Variants in RBFOX2 observed in about 807,000 individuals in gnomAD.
The protein encoded by RBFOX2 is RNA binding fox-1 homolog 2, also known as RNA binding protein fox-1 homolog 2.
Under a neutral mutation model 49.1 loss-of-function variants are expected in RBFOX2, and 10 were observed. The ratio of observed to expected loss-of-function variants is 0.20; its 90% confidence interval spans 0.13 to 0.35. The LOEUF is 0.35. RBFOX2 is among the 10% of genes least tolerant of loss of function. The probability of loss-of-function intolerance (pLI) is 1.00; values close to 1 mark genes in which losing one functional copy is unlikely to be tolerated. For missense variants in RBFOX2, 323 were observed against 486.9 expected (o/e 0.66, Z 3.17); for synonymous variants, 183 against 187.4 (o/e 0.98, Z 0.19).
chr22:35,781,847 A>C, intron 2 of RBFOX2, 101 bp from the exon 4 acceptor site: 1 of 1,425,568 alleles, frequency 7.0e-7, no homozygotes, highest in Non-Finnish European at 9.6e-7. Flanking sequence ...ATGTTTAAGC[A>C]AAAATCACAG....
At chr22:35,779,020 A>G (rs112965607) in intron 3 of RBFOX2, among the ~76,000 whole-genome samples, 5,230 of 152,302 alleles carry the variant, frequency 0.034, 132 homozygotes, top group Middle Eastern at 0.048. Flanking sequence ...TATTTCTACA[A>G]TAACATCAAG....
intron 4 of RBFOX2, among the ~76,000 whole-genome samples, chr22:35,774,036 T>C (rs1236905707): frequency 2.0e-5 from 3 of 152,122 alleles, no homozygotes; most frequent in African/African-American, 4.8e-5. Context: ...CTAGTGCACA[T>C]TTCTCTTTAA....
chr22:35,927,219 G>A (rs2088070453), intron 1 of RBFOX2, among the ~76,000 whole-genome samples: 1 of 152,166 alleles, frequency 6.6e-6, no homozygotes, highest in South Asian at 2.1e-4. Flanking sequence ...TTAGGATTCT[G>A]CTGGTAAAGG....
intron 2 of RBFOX2, among the ~76,000 whole-genome samples, chr22:35,784,340 A>G (rs1418246740): frequency 6.6e-6 from 1 of 152,222 alleles, no homozygotes; most frequent in Non-Finnish European, 1.5e-5. Context: ...GAAAAGTGTA[A>G]CAATAAGGCA....
intron 1 of RBFOX2, among the ~76,000 whole-genome samples, chr22:36,000,997 A>G (rs2058391736): frequency 6.6e-6 from 1 of 152,182 alleles, no homozygotes; most frequent in Non-Finnish European, 1.5e-5. Context: ...ACAAAGTCAC[A>G]AAACTAATAA....
upstream of RBFOX2, among the ~76,000 whole-genome samples, chr22:35,941,728 A>C (rs5756006): frequency 0.077 from 11,764 of 152,250 alleles, 475 homozygotes; most frequent in South Asian, 0.09. Flanking sequence ...TTCAACAATG[A>C]AAAAAATATA....
chr22:35,825,961 A>G lies in RBFOX2; in HGVS notation c.27+14231T>C, dbSNP rs113510786. Among the ~76,000 whole-genome samples the G allele has an allele frequency of 4.0e-3, 590 of 148,464 alleles. 6 individuals carry two copies. Among genetic ancestry groups the G allele is most frequent in the African/African-American group, 0.013 (537 of 39,834 alleles). ...CTCACCATTGCACTCCAGCCTGGGCAAGACAGTGAGACTCCGCTTCAAAAA... is the reference window on the plus strand; with the variant it reads ...CTCACCATTGCACTCCAGCCTGGGCGAGACAGTGAGACTCCGCTTCAAAAA... On this transcript the variant is annotated intron_variant, in intron 1 of 11. Coordinates refer to ENST00000405409, the Ensembl canonical transcript of RBFOX2.
chr22:35,996,714 A>ATTTCCTC (rs2058209390), intron 1 of RBFOX2: 2 of 152,238 alleles, frequency 1.3e-5, no homozygotes, highest in African/African-American at 4.8e-5. Context: ...GTCACCAGGA[A>ATTTCCTC]ATATGAGGCT....
chr22:35,777,471 T>C (rs1361084297), intron 4 of RBFOX2, among the ~76,000 whole-genome samples: 3 of 152,184 alleles, frequency 2.0e-5, no homozygotes, highest in African/African-American at 7.2e-5. Context: ...ATCCTGAGGA[T>C]TGCCTATGTG....
upstream of RBFOX2, among the ~76,000 whole-genome samples, chr22:35,965,720 C>G (rs1035154173): frequency 1.1e-4 from 17 of 152,142 alleles, no homozygotes; most frequent in Non-Finnish European, 1.9e-4. Flanking sequence ...TTAAAAAGCA[C>G]CTTCATCCCC....
At chr22:35,744,682 G>C (rs745994497) in intron 11 of RBFOX2, among the ~76,000 whole-genome samples, 48 of 152,220 alleles carry the variant, frequency 3.2e-4, no homozygotes, top group South Asian at 6.2e-4. Context: ...CTTCTGACAC[G>C]ATCCCTGCCA....
intron 1 of RBFOX2, chr22:35,993,628 T>G (rs1433591435): frequency 4.6e-5 from 7 of 152,172 alleles, no homozygotes; most frequent in Non-Finnish European, 1.0e-4. Context: ...TATGAGATAA[T>G]AAGTGTTTGT....
exon 1 of RBFOX2, chr22:36,028,277 G>A (rs963836945): frequency 4.6e-6 from 7 of 1,534,388 alleles, no homozygotes; most frequent in Non-Finnish European, 6.1e-6. Flanking sequence ...CGCCTCCTCA[G>A]TGCGCGGCCG....
chr22:35,886,559 C>G (rs1310907132), intron 1 of RBFOX2, among the ~76,000 whole-genome samples: 1 of 152,180 alleles, frequency 6.6e-6, no homozygotes, highest in African/African-American at 2.4e-5. Context: ...CTCGGCTATA[C>G]GGTATGTACG....
chr22:35,779,634 T>C (rs1944684296), intron 3 of RBFOX2, among the ~76,000 whole-genome samples: 1 of 152,232 alleles, frequency 6.6e-6, no homozygotes, highest in Admixed American at 6.5e-5. Flanking sequence ...AATATCCTTC[T>C]GGAGTAAGGA....
intron 2 of RBFOX2, among the ~76,000 whole-genome samples, chr22:35,800,768 AATGCAAAG>A (rs1411298878): frequency 6.6e-6 from 1 of 152,166 alleles, no homozygotes; most frequent in Non-Finnish European, 1.5e-5. Flanking sequence ...CAAGTCAGGG[AATGCAAAG>A]ATGAAAAATG....
intron 1 of RBFOX2, among the ~76,000 whole-genome samples, chr22:35,893,767 G>A (rs1050120499): frequency 2.4e-4 from 37 of 152,124 alleles, no homozygotes; most frequent in African/African-American, 8.5e-4. Flanking sequence ...CTCTGCAAAC[G>A]CAGTTAACAT....
chr22:35,977,766 G>GCACA (rs2057265703), intron 1 of RBFOX2, among the ~76,000 whole-genome samples: 1 of 53,402 alleles, frequency 1.9e-5, no homozygotes. Flanking sequence ...ATATATACAT[G>GCACA]CACACACACA....
intron 1 of RBFOX2, among the ~76,000 whole-genome samples, chr22:35,936,287 T>A (rs2053063630): frequency 6.7e-6 from 1 of 149,780 alleles, no homozygotes; most frequent in Non-Finnish European, 1.5e-5. Flanking sequence ...CAATTAAAAT[T>A]CACCTTCACC....
Sources: gnomAD v4.1 joint callset for allele counts (sites outside exome capture counted in the v4.1 genomes callset) on GRCh38, gnomAD v4.1.1 for gene constraint, MANE v1.5 for transcripts, NCBI Gene and HGNC (gene_info 2026-07-23, HGNC 2026-07-21) for gene names.